Variants in KCNMA1 observed in about 807,000 individuals in gnomAD.
KCNMA1 encodes Calcium-activated potassium channel subunit alpha-1.
Under a neutral mutation model 140.0 loss-of-function variants are expected in KCNMA1, and 29 were observed. The ratio of observed to expected loss-of-function variants is 0.21; its 90% CI spans 0.15 to 0.28. KCNMA1 has a LOEUF of 0.28. Among genes scored for constraint, KCNMA1 ranks in the 10% least tolerant of loss-of-function variants. KCNMA1 has a pLI of 1.00. For missense variants in KCNMA1, 880 were observed against 1,602.2 expected, an observed-to-expected ratio of 0.55 and a Z score of 7.70; for synonymous variants, 612 against 611.9, an observed-to-expected ratio of 1.00 and a Z score of 0.00.
At chr10:77,154,701 G>C (rs150605762) in intron 5 of KCNMA1, among the ~76,000 whole-genome samples, 3 of 152,220 alleles carry the variant, frequency 2.0e-5, no homozygotes, top group East Asian at 3.8e-4. Flanking sequence ...TTAAGCACCT[G>C]CTGGTGCCTG....
intron 2 of KCNMA1, among the ~76,000 whole-genome samples, chr10:77,335,614 T>A (rs566722727): frequency 6.6e-6 from 1 of 152,288 alleles, no homozygotes; most frequent in Non-Finnish European, 1.5e-5. Flanking sequence ...ACTGCTGGGC[T>A]GGGGTGCAGA....
chr10:77,465,508 C>T (rs925533633), intron 1 of KCNMA1, among the ~76,000 whole-genome samples: 1 of 152,180 alleles, frequency 6.6e-6, no homozygotes, highest in Non-Finnish European at 1.5e-5. Context: ...CACTCACTAG[C>T]TGTATCTGCC....
intron 2 of KCNMA1, chr10:77,376,481 T>TC (rs902392166): frequency 2.0e-5 from 3 of 151,968 alleles, no homozygotes; most frequent in Admixed American, 2.0e-4. Context: ...TGAAGGGTAG[T>TC]CCCCTCAGGG....
chr10:77,356,466 T>C (rs158208), intron 2 of KCNMA1, among the ~76,000 whole-genome samples: 31,894 of 152,150 alleles, frequency 0.21, 3,578 homozygotes, highest in Admixed American at 0.26. Flanking sequence ...AGTGTGGGCA[T>C]AGAACTTGTC....
At chr10:77,416,867 C>CTCT (rs2096753781) in intron 1 of KCNMA1, among the ~76,000 whole-genome samples, 1 of 152,214 alleles carries the variant, frequency 6.6e-6, no homozygotes, top group Admixed American at 6.5e-5. Flanking sequence ...TTTGTTTTCA[C>CTCT]TCTTCGCTCA....
chr10:77,428,212 A>C (rs1287304634), intron 1 of KCNMA1, among the ~76,000 whole-genome samples: 2 of 152,176 alleles, frequency 1.3e-5, no homozygotes, highest in African/African-American at 4.8e-5. Flanking sequence ...AGGAGGTCCC[A>C]ATGTGGCTTC....
Position 77,403,723 on chromosome 10 carries a change from G to A in KCNMA1, c.540+139C>T, listed in dbSNP as rs372737010. 1.9e-4 allele frequency: 140 copies of A among 756,370 alleles called. 2 individuals are homozygous for A. In the East Asian group the frequency reaches 2.7e-3, roughly 15 times the overall value. The allele number at this position is 756,370 out of a possible 1,614,324, so 46.9% of individuals were successfully genotyped here. ...CCGAGCCTCTCCTCCATGACCACGC[G>A]GGAGCACTTGCTGCTCACCCCCACC... On this transcript the variant is annotated intron_variant, in intron 2 of 27. Transcript: ENST00000286628.
Position 77,331,188 on chromosome 10 carries a change from C to T in KCNMA1, c.540+72674G>A, listed in dbSNP as rs188945362. Among the ~76,000 whole-genome samples the T allele has an allele frequency of 5.9e-5, 9 of 152,258 alleles. No homozygotes were observed. The South Asian group carries it at 1.2e-3, about 21-fold the overall frequency. ...TTATCTAGAGAACTTTTAAATCCCA[C>T]GCTGGCCTGACCCACCCCAGCTGGC... On this transcript the variant is annotated intron_variant, in intron 2 of 27. Coordinates refer to ENST00000286628, the MANE Select transcript of KCNMA1 (RefSeq NM_001161352.2).
chr10:77,373,993 G>A (rs981091837), intron 2 of KCNMA1, among the ~76,000 whole-genome samples: 4 of 152,176 alleles, frequency 2.6e-5, no homozygotes, highest in Non-Finnish European at 5.9e-5. Flanking sequence ...TGGGAAGGGT[G>A]GATAATGGGA....
intron 1 of KCNMA1, among the ~76,000 whole-genome samples, chr10:77,466,414 G>A (rs1226172328): frequency 6.6e-6 from 1 of 152,182 alleles, no homozygotes; most frequent in Admixed American, 6.5e-5. Context: ...CCCAAACGAT[G>A]CTCACTCAGT....
intron 1 of KCNMA1, among the ~76,000 whole-genome samples, chr10:77,608,798 C>A (rs2085553154): frequency 6.6e-6 from 1 of 152,110 alleles, no homozygotes; most frequent in Admixed American, 6.5e-5. Flanking sequence ...AGACATTTTT[C>A]CAAGGAAGGC....
At chr10:77,506,596 A>AGAGAGAGAGAGAGTGTGTGT in intron 1 of KCNMA1, among the ~76,000 whole-genome samples, 16 of 83,566 alleles carry the variant, frequency 1.9e-4, no homozygotes, top group African/African-American at 8.2e-4. Context: ...AGAGAGAGAG[A>AGAGAGAGAGAGAGTGTGTGT]GTGTGTGTGT....
At chr10:77,553,625 G>A (rs2063392364) in intron 1 of KCNMA1, among the ~76,000 whole-genome samples, 1 of 152,166 alleles carries the variant, frequency 6.6e-6, no homozygotes, top group South Asian at 2.1e-4. Context: ...ATGTCTCAGG[G>A]GCATCCCACA....
intron 23 of KCNMA1, among the ~76,000 whole-genome samples, chr10:76,941,018 G>GAAAGAAAGAAAGAAAGAAAGAAAGA (rs2061877247): frequency 2.6e-4 from 10 of 38,252 alleles, no homozygotes; most frequent in African/African-American, 9.4e-4. Context: ...AGGAAGGAAG[G>GAAAGAAAGAAAGAAAGAAAGAAAGA]AAGAAAGAAA....
intron 16 of KCNMA1, among the ~76,000 whole-genome samples, chr10:77,024,185 A>G (rs1292692915): frequency 2.0e-5 from 3 of 152,198 alleles, no homozygotes; most frequent in African/African-American, 7.2e-5. Flanking sequence ...CTTCACCACA[A>G]GATAAAAGGA....
intron 1 of KCNMA1, among the ~76,000 whole-genome samples, chr10:77,451,559 A>T (rs1255031920): frequency 6.6e-6 from 1 of 152,198 alleles, no homozygotes; most frequent in African/African-American, 2.4e-5. Context: ...CAGAGGACGA[A>T]AGCTCGCTTC....
At chr10:77,512,075 G>A (rs1391467790) in intron 1 of KCNMA1, among the ~76,000 whole-genome samples, 1 of 152,308 alleles carries the variant, frequency 6.6e-6, no homozygotes, top group African/African-American at 2.4e-5. Flanking sequence ...TATGTTATCC[G>A]GGCATGAAGG....
intron 1 of KCNMA1, among the ~76,000 whole-genome samples, chr10:77,581,860 G>A (rs1297728558): frequency 1.3e-5 from 2 of 152,346 alleles, no homozygotes; most frequent in Non-Finnish European, 2.9e-5. Flanking sequence ...CTCCTCAATG[G>A]AGGAAGACAG....
chr10:77,208,703 T>G (rs1361441660), intron 3 of KCNMA1, among the ~76,000 whole-genome samples: 1 of 152,210 alleles, frequency 6.6e-6, no homozygotes, highest in Non-Finnish European at 1.5e-5. Context: ...GGCTTTATTC[T>G]ATATTTAAAA....
Sources: allele counts gnomAD v4.1 joint callset (sites outside exome capture counted in the v4.1 genomes callset), GRCh38; gene constraint gnomAD v4.1.1; transcripts MANE v1.5; gene names NCBI Gene and HGNC (gene_info 2026-07-23, HGNC 2026-07-21).